NPNT: variants seen among roughly 807,000 people sequenced by gnomAD.
NPNT encodes the protein preosteoblast EGF-like repeat protein with MAM domain.
A neutral mutation model predicts 68.6 loss-of-function variants in NPNT; 45 were observed. The ratio of observed to expected loss-of-function variants is 0.66; its 90% CI spans 0.52 to 0.84. The LOEUF (loss-of-function observed/expected upper bound fraction) is 0.84. Ranked by LOEUF, NPNT falls within the 40% of genes least tolerant of loss-of-function variation. The pLI is 0.00. For missense variants in NPNT, 672 were observed against 714.8 expected (o/e 0.94, Z 0.68); for synonymous variants, 233 against 253.3 (o/e 0.92, Z 0.76).
At position 105,967,420 on chromosome 4, in the gene NPNT, C is replaced by A. The variant is rs748651642; in HGVS notation, c.1578C>A (p.Thr526=). 1 of 1,597,398 alleles carries A rather than the reference C, an allele frequency of 6.3e-7. No homozygotes were observed. Among genetic ancestry groups the A allele is most frequent in the East Asian group, 2.2e-5 (1 of 44,618 alleles). The change falls in exon 11 of 12, where the codon ACC becomes ACA. Residue 526 remains threonine, a synonymous_variant. Transcript: ENST00000379987. ...ATGGCTGGAGGCAAACACAGATCAC[C>A]TTGCGAGGGGCTGACATCAAGAGCG... The part of the protein sequence containing the change: ...GGHGWRQTQI[T]LRGADIKSVV...
At position 105,895,511 on chromosome 4, in the gene NPNT, C is replaced by A; in HGVS notation, c.-142C>A. 1.5e-6 allele frequency: 1 copy of A among 674,254 alleles called. No homozygotes were observed. The allele number at this position is 674,254 out of a possible 1,614,324, so 41.8% of individuals were successfully genotyped here. ...TCCGGCCGCGCGCCTCGCCGCTGTCCTCCGGGAGCGGCAGCAGTAGCCCGG... is the reference window on the plus strand; with the variant it reads ...TCCGGCCGCGCGCCTCGCCGCTGTCATCCGGGAGCGGCAGCAGTAGCCCGG... On this transcript the variant is annotated 5_prime_UTR_variant, in exon 1 of 12. Transcript: ENST00000379987.
chr4:105,958,847 G>C (rs1036851628), intron 9 of NPNT, 181 bp from the exon 10 acceptor site: 2 of 573,868 alleles, frequency 3.5e-6, no homozygotes, highest in African/African-American at 3.7e-5. Context: ...TATTTTTACA[G>C]ATGATGCACT....
At chr4:105,910,600 G>A (rs557806628) in intron 2 of NPNT, among the ~76,000 whole-genome samples, 122 of 152,178 alleles carry the variant, frequency 8.0e-4, no homozygotes, top group Non-Finnish European at 1.5e-3. Flanking sequence ...CTTCAATAGA[G>A]GATAGTTCCC....
intron 2 of NPNT, among the ~76,000 whole-genome samples, chr4:105,901,060 A>G (rs1002737351): frequency 6.6e-6 from 1 of 152,154 alleles, no homozygotes; most frequent in Non-Finnish European, 1.5e-5. Flanking sequence ...GAGGTTTGTC[A>G]CAAAATGTGT....
At chr4:105,958,427 T>TCACACA (rs112811203) in intron 8 of NPNT, 44 bp from the exon 9 acceptor site, 2 of 1,114,032 alleles carry the variant, frequency 1.8e-6, no homozygotes, top group Non-Finnish European at 2.7e-6. Context: ...TATCAATACT[T>TCACACA]CACACACACA....
At chr4:105,941,280 G>T (rs939128687) in intron 7 of NPNT, among the ~76,000 whole-genome samples, 1 of 152,062 alleles carries the variant, frequency 6.6e-6, no homozygotes, top group Admixed American at 6.6e-5. Context: ...TCTTAAGACT[G>T]CCATGAGCCC....
intron 2 of NPNT, among the ~76,000 whole-genome samples, chr4:105,904,374 G>A (rs10006990): frequency 0.14 from 21,455 of 152,168 alleles, 3,148 homozygotes; most frequent in African/African-American, 0.38. Flanking sequence ...ACTGAATGGC[G>A]ATGCTGACCC....
intron 7 of NPNT, among the ~76,000 whole-genome samples, chr4:105,941,056 C>T (rs55830085): frequency 0.024 from 3,680 of 152,202 alleles, 81 homozygotes; most frequent in Non-Finnish European, 0.026. Flanking sequence ...AAATCATTCC[C>T]GGCCAGGCAC....
At chr4:105,941,166 C>T (rs1729920620) in intron 7 of NPNT, among the ~76,000 whole-genome samples, 1 of 151,966 alleles carries the variant, frequency 6.6e-6, no homozygotes, top group Non-Finnish European at 1.5e-5. Flanking sequence ...TAATGAGACC[C>T]TGTCTCTACA....
In NPNT at chr4:105,968,975, C is replaced by T; in HGVS notation, c.1683C>T (p.Cys561=). The T allele has an allele frequency of 6.3e-7, 1 of 1,592,474 alleles. No individual in the cohort carries two copies. The highest frequency in any genetic ancestry group is 1.3e-5 in the African/African-American group (1 of 74,438). ...ATGTGAGCTTGAAAAAAGGCCACTG[C>T]TCTGAAGAACGCTAACAACTCCAGA... ...LDDVSLKKGH[C]SEER The change falls in exon 12 of 12, where the codon TGC becomes TGT. Residue 561 remains cysteine, a synonymous_variant. Transcript: ENST00000379987.
rs1560882154 is a variant in NPNT, at chr4:105,898,379, TC to T, written c.172+379del. 3.6e-4 allele frequency among the ~76,000 whole-genome samples: 42 copies of T among 116,342 alleles called. 1 individual carries two copies. Among genetic ancestry groups the T allele is most frequent in the African/African-American group, 1.0e-3 (25 of 24,282 alleles). The allele number at this position is 116,342 out of a possible 152,430, so 76.3% of individuals were successfully genotyped here. On this transcript the variant is annotated intron_variant, in intron 2 of 11. Transcript: ENST00000379987. ...CTCTCTCTCTCTCTCTCTCTCTCTC[TC>T]GCTGACTCGCTTGCTCCAGGCTGGG... is the stretch of plus-strand genomic sequence containing the variant.
chr4:105,924,148 T>C (rs1423758471), intron 2 of NPNT, among the ~76,000 whole-genome samples: 1 of 152,118 alleles, frequency 6.6e-6, no homozygotes, highest in Admixed American at 6.6e-5. Flanking sequence ...TTGTAGTTAT[T>C]ACACACCCTC....
chr4:105,934,010 C>T (rs1729325615), intron 3 of NPNT, among the ~76,000 whole-genome samples: 2 of 151,868 alleles, frequency 1.3e-5, no homozygotes, highest in African/African-American at 4.8e-5. Context: ...TATAGATTTT[C>T]CTTATATATA....
chr4:105,896,964 A>G (rs1425313042), intron 1 of NPNT, among the ~76,000 whole-genome samples: 1 of 152,216 alleles, frequency 6.6e-6, no homozygotes, highest in Non-Finnish European at 1.5e-5. Context: ...CTGTGCTCAC[A>G]TTTGGGTATG....
At chr4:105,921,879 G>A (rs1728280307) in intron 2 of NPNT, among the ~76,000 whole-genome samples, 1 of 152,106 alleles carries the variant, frequency 6.6e-6, no homozygotes, top group African/African-American at 2.4e-5. Context: ...TCTGAATTCT[G>A]TGAAGCTTGT....
At chr4:105,898,888 G>A (rs1726176355) in intron 2 of NPNT, among the ~76,000 whole-genome samples, 1 of 152,118 alleles carries the variant, frequency 6.6e-6, no homozygotes, top group South Asian at 2.1e-4. Context: ...GAGTGCTTGG[G>A]GCGGGGGTAG....
intron 10 of NPNT, among the ~76,000 whole-genome samples, chr4:105,963,290 C>A (rs1464591525): frequency 1.3e-5 from 2 of 152,124 alleles, no homozygotes; most frequent in Non-Finnish European, 2.9e-5. Flanking sequence ...TTACCTATTT[C>A]TATCTAGATT....
chr4:105,919,181 AGAGTT>A (rs959281957), intron 2 of NPNT, among the ~76,000 whole-genome samples: 1 of 152,180 alleles, frequency 6.6e-6, no homozygotes, highest in Non-Finnish European at 1.5e-5. Context: ...AATCCACAGA[AGAGTT>A]GAAGCAATAG....
chr4:105,968,775 TCCTCCTGCAAA>T, intron 11 of NPNT, 109 bp from the exon 12 acceptor site: 1 of 607,454 alleles, frequency 1.6e-6, no homozygotes, highest in Non-Finnish European at 3.0e-6. Context: ...TCTGTTTTTT[TCCTCCTGCAAA>T]ATAAGTTTAA....
Sources: gnomAD v4.1 joint callset for allele counts (sites outside exome capture counted in the v4.1 genomes callset) on GRCh38, gnomAD v4.1.1 for gene constraint, MANE v1.5 for transcripts, NCBI Gene and HGNC (gene_info 2026-07-23, HGNC 2026-07-21) for gene names.